The following YARS1 variants were observed in gnomAD, a reference collection of about 807,000 sequenced individuals.
YARS1 encodes the protein tyrosine--tRNA ligase, cytoplasmic.
YARS1 carries 36 observed loss-of-function variants against 62.2 expected under a neutral mutation model. That is an observed-to-expected ratio of 0.58 (90% CI 0.44 to 0.76). The LOEUF (loss-of-function observed/expected upper bound fraction) is 0.76. Among genes scored for constraint, YARS1 ranks in the 30% least tolerant of loss-of-function variants. The probability of loss-of-function intolerance (pLI) is 0.00; values close to 1 mark genes in which losing one functional copy is unlikely to be tolerated. For synonymous variants in YARS1, 234 were observed against 244.9 expected, an observed-to-expected ratio of 0.96 and a Z score of 0.42; for missense variants, 524 against 639.8, an observed-to-expected ratio of 0.82 and a Z score of 1.95.
Position 32,778,169 on chromosome 1 carries a change from T to G in YARS1, c.1476+1213A>C, listed in dbSNP as rs535171669. ...GAGTCACCCATGAGTGTTAGTTCCATGAGGAGAGTCAACTCCTGCTGCTTT... is the reference window on the plus strand; with the variant it reads ...GAGTCACCCATGAGTGTTAGTTCCAGGAGGAGAGTCAACTCCTGCTGCTTT... On this transcript the variant is annotated intron_variant, in intron 12 of 12. Coordinates refer to ENST00000373477, the MANE Select transcript of YARS1 (RefSeq NM_003680.4). Among the ~76,000 whole-genome samples the G allele has an allele frequency of 1.1e-4, 16 of 152,306 alleles. No individual in the cohort carries two copies. The East Asian group carries it at 3.1e-3, about 29-fold the overall frequency.
chr1:32,798,142 G>A (rs1296395050), intron 4 of YARS1: 6 of 385,406 alleles, frequency 1.6e-5, no homozygotes, highest in Non-Finnish European at 2.5e-5. Context: ...AAAGTGCTGG[G>A]ATTACAGGCG....
intron 5 of YARS1, among the ~76,000 whole-genome samples, chr1:32,794,149 A>C (rs894020967): frequency 6.6e-6 from 1 of 152,204 alleles, no homozygotes; most frequent in Non-Finnish European, 1.5e-5. Flanking sequence ...CAGGAGTTCA[A>C]GACCAGCCTG....
intron 12 of YARS1, among the ~76,000 whole-genome samples, chr1:32,778,502 A>C (rs1029067339): frequency 6.7e-6 from 1 of 149,930 alleles, no homozygotes; most frequent in African/African-American, 2.5e-5. Context: ...TCCACCTCCC[A>C]GGTTCATGCC....
chr1:32,808,660 C>T (rs1638516312), intron 3 of YARS1, among the ~76,000 whole-genome samples: 1 of 152,206 alleles, frequency 6.6e-6, no homozygotes, highest in Admixed American at 6.6e-5. Context: ...AGACTAGTGT[C>T]TCGCACATAG....
At chr1:32,779,117 A>T (rs536092573) in intron 12 of YARS1, among the ~76,000 whole-genome samples, 3 of 152,262 alleles carry the variant, frequency 2.0e-5, no homozygotes, top group Admixed American at 2.0e-4. Context: ...ATCTCCTATT[A>T]CAGACTGAAG....
At chr1:32,782,865 T>C (rs529870345) in intron 8 of YARS1, 4 of 349,140 alleles carry the variant, frequency 1.1e-5, no homozygotes, top group Non-Finnish European at 2.2e-5. Flanking sequence ...AACATTCACA[T>C]AGGTAACCCA....
intron 4 of YARS1, among the ~76,000 whole-genome samples, chr1:32,803,942 C>G (rs559857095): frequency 6.6e-6 from 1 of 152,234 alleles, no homozygotes; most frequent in East Asian, 1.9e-4. Flanking sequence ...GGTGATGACT[C>G]TTAACGAGCA....
intron 4 of YARS1, among the ~76,000 whole-genome samples, chr1:32,800,732 C>T (rs1180963528): frequency 6.6e-6 from 1 of 152,078 alleles, no homozygotes; most frequent in African/African-American, 2.4e-5. Context: ...CGTCACCACA[C>T]CTGGCTAATT....
chr1:32,815,545 G>T (rs1156474187), intron 1 of YARS1, among the ~76,000 whole-genome samples: 1 of 152,164 alleles, frequency 6.6e-6, no homozygotes, highest in Non-Finnish European at 1.5e-5. Context: ...CTGATGAACG[G>T]ATAAACAAAA....
chr1:32,787,480 C>T (rs915490038), intron 6 of YARS1, among the ~76,000 whole-genome samples: 8 of 150,718 alleles, frequency 5.3e-5, no homozygotes, highest in African/African-American at 2.0e-4. Context: ...CAGATATTTT[C>T]CTGTGGATGT....
At chr1:32,782,567 A>G in intron 8 of YARS1, 28 bp from the exon 9 acceptor site, 2 of 1,614,122 alleles carry the variant, frequency 1.2e-6, no homozygotes, top group Non-Finnish European at 1.7e-6. Context: ...ACCTAGTGAG[A>G]TAAAGTCTAG....
At position 32,802,259 on chromosome 1, in the gene YARS1, A is replaced by G. The variant is rs1217633677; in HGVS notation, c.510+4223T>C. Among the ~76,000 whole-genome samples the G allele has an allele frequency of 2.0e-5, 3 of 151,856 alleles. No individual in the cohort carries two copies. In the East Asian group the frequency reaches 5.8e-4, roughly 29 times the overall value. ...ACCGCGCCCGGCCTGTTCTCTTGTT[A>G]TTTCTACCCCATCTACAGTGACTTC... On this transcript the variant is annotated intron_variant, in intron 4 of 12. Coordinates refer to ENST00000373477, the MANE Select transcript of YARS1 (RefSeq NM_003680.4).
intron 5 of YARS1, chr1:32,797,471 T>C (rs1260870810): frequency 6.3e-6 from 3 of 472,790 alleles, no homozygotes; most frequent in Non-Finnish European, 1.1e-5. Flanking sequence ...CCTTGGAAAC[T>C]GGGCTATTAG....
intron 1 of YARS1, among the ~76,000 whole-genome samples, chr1:32,813,898 T>C (rs1638638835): frequency 6.8e-6 from 1 of 147,040 alleles, no homozygotes; most frequent in East Asian, 2.0e-4. Context: ...TTATTCTTAG[T>C]TTTCCTCGTC....
intron 5 of YARS1, 113 bp downstream of exon 5, chr1:32,797,650 G>T: frequency 2.1e-6 from 2 of 948,156 alleles, no homozygotes; most frequent in Non-Finnish European, 3.4e-6. Flanking sequence ...TGCAAAACAA[G>T]GAGAATATTT....
At chr1:32,815,992 C>G (rs1638713187) in intron 1 of YARS1, among the ~76,000 whole-genome samples, 1 of 151,776 alleles carries the variant, frequency 6.6e-6, no homozygotes, top group Non-Finnish European at 1.5e-5. Context: ...ACCTGTAGTC[C>G]CAGCTACTCG....
Position 32,797,785 on chromosome 1 carries a change from T to C in YARS1, c.569A>G (p.Lys190Arg), listed in dbSNP as rs750198437. ...DAQFGGIDQRKIFTFAEKYLP... is the reference protein window; with the variant it reads ...DAQFGGIDQRRIFTFAEKYLP... The stretch of plus-strand genomic sequence containing the variant: ...CACCTTCTCTGCAAAGGTGAAAATC[T>C]TTCTCTGATCAATGCCTCCAAATTG... Residue 190 changes from lysine to arginine, a missense_variant, in exon 5 of 13, where the codon AAG becomes AGG. Physicochemically the swap from Lys to Arg is conservative, Grantham distance 26. Coordinates refer to ENST00000373477, the MANE Select transcript of YARS1 (RefSeq NM_003680.4). 19 of 1,614,176 alleles carry C rather than the reference T, an allele frequency of 1.2e-5. No homozygotes were observed. In the South Asian group the frequency reaches 1.8e-4, roughly 15 times the overall value.
At chr1:32,812,897 G>C (rs12042173) in intron 1 of YARS1, among the ~76,000 whole-genome samples, 20,649 of 151,220 alleles carry the variant, frequency 0.14, 1,750 homozygotes, top group South Asian at 0.23. Flanking sequence ...GAACCTGGAA[G>C]GTGGAGGTTG....
intron 5 of YARS1, among the ~76,000 whole-genome samples, chr1:32,795,793 G>A (rs1461551582): frequency 2.7e-5 from 4 of 146,832 alleles, no homozygotes; most frequent in Non-Finnish European, 6.0e-5. Flanking sequence ...GTGACAAAGC[G>A]AGACTCCCTC....
Sources: allele counts gnomAD v4.1 joint callset (sites outside exome capture counted in the v4.1 genomes callset), GRCh38; gene constraint gnomAD v4.1.1; transcripts MANE v1.5; gene names NCBI Gene and HGNC (gene_info 2026-07-23, HGNC 2026-07-21).